Variants in ZDHHC14 observed in about 807,000 individuals in gnomAD.
ZDHHC14 encodes the protein zDHHC palmitoyltransferase 14, also known as palmitoyltransferase ZDHHC14.
In ZDHHC14, 16 loss-of-function variants were observed where a neutral mutation model predicts 47.7. The ratio of observed to expected loss-of-function variants is 0.34; its 90% CI spans 0.23 to 0.51. The LOEUF (loss-of-function observed/expected upper bound fraction) is 0.51, where lower values mean the gene tolerates loss of function less well. ZDHHC14 is among the 20% of genes least tolerant of loss of function. The pLI is 0.97. For missense variants in ZDHHC14, 515 were observed against 662.5 expected (o/e 0.78, Z 2.44); for synonymous variants, 293 against 278.9 (o/e 1.05, Z -0.50).
chr6:157,385,493 C>A (rs1250004066), intron 1 of ZDHHC14, among the ~76,000 whole-genome samples: 2 of 152,208 alleles, frequency 1.3e-5, no homozygotes, highest in Non-Finnish European at 2.9e-5. Context: ...GAGTGAATAA[C>A]TTAGTCATTT....
chr6:157,400,471 G>A (rs1292397561), intron 1 of ZDHHC14, among the ~76,000 whole-genome samples: 4 of 152,158 alleles, frequency 2.6e-5, no homozygotes, highest in Non-Finnish European at 4.4e-5. Flanking sequence ...ACACACACAC[G>A]CAGAGAAAGG....
At chr6:157,388,267 T>C (rs1362365222) in intron 1 of ZDHHC14, among the ~76,000 whole-genome samples, 1 of 152,210 alleles carries the variant, frequency 6.6e-6, no homozygotes, top group Non-Finnish European at 1.5e-5. Context: ...ACATGTTTTA[T>C]TGTGTTCCCT....
intron 1 of ZDHHC14, among the ~76,000 whole-genome samples, chr6:157,455,509 G>A (rs2114807676): frequency 6.6e-6 from 1 of 152,306 alleles, no homozygotes; most frequent in South Asian, 2.1e-4. Context: ...CAGACAGTGA[G>A]TTTTCTCCAG....
intron 2 of ZDHHC14, among the ~76,000 whole-genome samples, chr6:157,575,664 G>C (rs1400549024): frequency 1.3e-5 from 2 of 152,224 alleles, no homozygotes; most frequent in Non-Finnish European, 2.9e-5. Flanking sequence ...CCAGATCCTG[G>C]CTCAAATGCT....
At chr6:157,483,680 G>A (rs1159546882) in intron 1 of ZDHHC14, among the ~76,000 whole-genome samples, 1 of 152,128 alleles carries the variant, frequency 6.6e-6, no homozygotes, top group Non-Finnish European at 1.5e-5. Context: ...CATAGAAGTG[G>A]CTCAGGAGGT....
chr6:157,614,274 C>T (rs559214862), intron 3 of ZDHHC14, among the ~76,000 whole-genome samples: 53 of 152,062 alleles, frequency 3.5e-4, no homozygotes, highest in Non-Finnish European at 7.4e-4. Context: ...ACTTCACTCA[C>T]AGCTGCTCAC....
At chr6:157,632,613 A>T in intron 4 of ZDHHC14, 1 of 582,982 alleles carries the variant, frequency 1.7e-6, no homozygotes, top group Non-Finnish European at 3.1e-6. Context: ...TATTGAAAAA[A>T]TACCCTGCAG....
At chr6:157,468,271 T>G (rs1338284965) in intron 1 of ZDHHC14, among the ~76,000 whole-genome samples, 1 of 152,170 alleles carries the variant, frequency 6.6e-6, no homozygotes, top group Non-Finnish European at 1.5e-5. Flanking sequence ...ATCATCAATG[T>G]CCAGTGTGCA....
Position 157,653,534 on chromosome 6 carries a change from C to T in ZDHHC14, c.975C>T (p.Asp325=), listed in dbSNP as rs1003371209. 11 of 1,613,692 alleles carry T rather than the reference C, an allele frequency of 6.8e-6. No individual in the cohort carries two copies. Among genetic ancestry groups the T allele is most frequent in the Non-Finnish European group, 9.3e-6 (11 of 1,179,956 alleles). ...LCGPISPSLI[D]RRGYIQPDTP... ...TTCTTTTCTCTCGCAGCCTGATCGACAGAAGAGGGTACATCCAGCCCGACA... is the reference window on the plus strand; with the variant it reads ...TTCTTTTCTCTCGCAGCCTGATCGATAGAAGAGGGTACATCCAGCCCGACA... Residue 325 remains aspartate, a synonymous_variant, in exon 8 of 9, where the codon GAC becomes GAT. Coordinates refer to ENST00000359775, the MANE Select transcript of ZDHHC14 (RefSeq NM_024630.3).
At chr6:157,592,865 G>A (rs111339992) in intron 2 of ZDHHC14, 123 bp from the exon 3 acceptor site, 84,021 of 1,489,348 alleles carry the variant, frequency 0.056, 2,641 homozygotes, top group Non-Finnish European at 0.063. Context: ...TAAACCGTGG[G>A]CACCGGGGGC....
intron 2 of ZDHHC14, among the ~76,000 whole-genome samples, chr6:157,551,290 A>G (rs955890081): frequency 6.6e-6 from 1 of 152,148 alleles, no homozygotes; most frequent in African/African-American, 2.4e-5. Context: ...GGACCTCAGC[A>G]GTCATGGAGG....
intron 8 of ZDHHC14, among the ~76,000 whole-genome samples, chr6:157,670,790 A>G (rs942100709): frequency 6.6e-6 from 1 of 152,138 alleles, no homozygotes. Flanking sequence ...TAGCTCCACT[A>G]TGAACTTTAC....
chr6:157,565,628 G>T (rs1161976184), intron 2 of ZDHHC14, among the ~76,000 whole-genome samples: 1 of 152,094 alleles, frequency 6.6e-6, no homozygotes, highest in Non-Finnish European at 1.5e-5. Flanking sequence ...AGACCAGACT[G>T]GCCAACATGG....
At chr6:157,413,951 G>T (rs1446214495) in intron 1 of ZDHHC14, among the ~76,000 whole-genome samples, 1 of 151,104 alleles carries the variant, frequency 6.6e-6, no homozygotes, top group Non-Finnish European at 1.5e-5. Context: ...TTATTATTTG[G>T]CTTGAGACAG....
chr6:157,392,984 A>G (rs1777449853), intron 1 of ZDHHC14, among the ~76,000 whole-genome samples: 2 of 151,962 alleles, frequency 1.3e-5, no homozygotes, highest in South Asian at 2.1e-4. Flanking sequence ...TGTTCAAGCA[A>G]TTGTCCTGCC....
intron 1 of ZDHHC14, among the ~76,000 whole-genome samples, chr6:157,398,148 A>T (rs1279678817): frequency 6.7e-6 from 1 of 149,744 alleles, no homozygotes; most frequent in Admixed American, 6.8e-5. Context: ...GACAGAGTGG[A>T]CAGTGACTGG....
chr6:157,668,537 A>T (rs1474870368), intron 8 of ZDHHC14, among the ~76,000 whole-genome samples: 1 of 151,236 alleles, frequency 6.6e-6, no homozygotes, highest in Non-Finnish European at 1.5e-5. Context: ...AAAAAAAAAA[A>T]AAAAATACAA....
chr6:157,661,906 A>G (rs907438520), intron 8 of ZDHHC14, among the ~76,000 whole-genome samples: 1 of 151,588 alleles, frequency 6.6e-6, no homozygotes, highest in African/African-American at 2.4e-5. Context: ...TCACTGCCAC[A>G]TCTGCCTCCT....
At chr6:157,672,535 G>A (rs540822467) in intron 8 of ZDHHC14, among the ~76,000 whole-genome samples, 189 bp from the exon 9 acceptor site, 4 of 152,080 alleles carry the variant, frequency 2.6e-5, no homozygotes, top group Admixed American at 2.6e-4. Context: ...AGCACCAGGC[G>A]CTGGGTGTCT....
Sources: allele counts gnomAD v4.1 joint callset (sites outside exome capture counted in the v4.1 genomes callset), GRCh38; gene constraint gnomAD v4.1.1; transcripts MANE v1.5; gene names NCBI Gene and HGNC (gene_info 2026-07-23, HGNC 2026-07-21).